The following PLD5 variants were observed in gnomAD, a reference collection of about 807,000 sequenced individuals.
The protein encoded by PLD5 is phospholipase D family member 5.
PLD5 carries 36 observed loss-of-function variants against 61.1 expected under a neutral mutation model. The ratio of observed to expected loss-of-function variants is 0.59; its 90% CI spans 0.45 to 0.78. The LOEUF (loss-of-function observed/expected upper bound fraction) is 0.78. PLD5 is among the 30% of genes least tolerant of loss of function. PLD5 has a pLI of 0.00. For missense variants in PLD5, 515 were observed against 644.4 expected (o/e 0.80, Z 2.17); for synonymous variants, 243 against 242.8 (o/e 1.00, Z -0.01).
At chr1:242,519,800 C>T (rs1026069770) in intron 1 of PLD5, among the ~76,000 whole-genome samples, 24 of 152,180 alleles carry the variant, frequency 1.6e-4, no homozygotes, top group African/African-American at 5.3e-4. Context: ...AGGCCCAAGA[C>T]AGTGAGCCAG....
chr1:242,089,766 A>C lies in PLD5; in HGVS notation c.*88T>G, dbSNP rs1399651844. 25 of 1,511,408 alleles carry C rather than the reference A, an allele frequency of 1.7e-5. No individual in the cohort carries two copies. The highest frequency in any genetic ancestry group is 2.8e-5 in the African/African-American group (2 of 71,504). The allele number at this position is 1,511,408 out of a possible 1,614,324, so 93.6% of individuals were successfully genotyped here. A position where few individuals can be genotyped will look rare whatever the true frequency, so the allele number is the denominator to read the frequency against. ...ATAAGTGTGCTTTTTCCCTAAAAAA[A>C]GAGACATATTAAAGTGTTTTTTCTC... On this transcript the variant is annotated 3_prime_UTR_variant, in exon 10 of 10. Coordinates refer to ENST00000536534, the MANE Select transcript of PLD5 (RefSeq NM_001372062.1).
At chr1:242,287,596 G>A (rs1185850539) in intron 3 of PLD5, among the ~76,000 whole-genome samples, 1 of 151,976 alleles carries the variant, frequency 6.6e-6, no homozygotes, top group East Asian at 1.9e-4. Context: ...ACTACATTTT[G>A]CATAAAAGGA....
intron 1 of PLD5, chr1:242,449,541 T>C (rs1284760378): frequency 6.9e-7 from 1 of 1,458,086 alleles, no homozygotes; most frequent in Non-Finnish European, 9.0e-7. Flanking sequence ...TCAGCCAAAC[T>C]GAGCACGAAG....
At chr1:242,448,462 ATCT>A (rs1222728995) in intron 1 of PLD5, among the ~76,000 whole-genome samples, 2 of 152,206 alleles carry the variant, frequency 1.3e-5, no homozygotes, top group African/African-American at 4.8e-5. Context: ...AATAGGCTTT[ATCT>A]TCTTCTCAAT....
chr1:242,520,496 C>T (rs1349513287), intron 1 of PLD5, among the ~76,000 whole-genome samples: 3 of 152,128 alleles, frequency 2.0e-5, no homozygotes, highest in Non-Finnish European at 4.4e-5. Flanking sequence ...GAAATGATAT[C>T]GAAGTCTGAA....
intron 2 of PLD5, among the ~76,000 whole-genome samples, chr1:242,329,619 G>A (rs1659044830): frequency 6.6e-6 from 1 of 152,174 alleles, no homozygotes; most frequent in Non-Finnish European, 1.5e-5. Context: ...TAGGTCATTG[G>A]ATATCCCCTT....
At chr1:242,211,570 T>C (rs1289555732) in intron 5 of PLD5, among the ~76,000 whole-genome samples, 1 of 152,178 alleles carries the variant, frequency 6.6e-6, no homozygotes, top group African/African-American at 2.4e-5. Context: ...CTTCGGCTGC[T>C]GGTGCCGGCC....
intron 1 of PLD5, among the ~76,000 whole-genome samples, chr1:242,423,831 G>T (rs1371383990): frequency 6.6e-6 from 1 of 152,044 alleles, no homozygotes; most frequent in African/African-American, 2.4e-5. Context: ...CACATAACAA[G>T]GGTTCAATGA....
chr1:242,159,974 A>C (rs1665694012), intron 5 of PLD5, among the ~76,000 whole-genome samples: 1 of 152,092 alleles, frequency 6.6e-6, no homozygotes, highest in Non-Finnish European at 1.5e-5. Context: ...GCTTTTAGCA[A>C]TTCATTAAAA....
At chr1:242,352,667 A>G (rs536601467) in intron 1 of PLD5, among the ~76,000 whole-genome samples, 1 of 152,274 alleles carries the variant, frequency 6.6e-6, no homozygotes, top group Admixed American at 6.5e-5. Flanking sequence ...ATTTCTTCCA[A>G]CAGTGCATAA....
intron 5 of PLD5, among the ~76,000 whole-genome samples, chr1:242,195,174 C>A (rs553282468): frequency 1.3e-5 from 2 of 152,204 alleles, no homozygotes; most frequent in Non-Finnish European, 2.9e-5. Flanking sequence ...CAGCAATATG[C>A]TTTTTAGGCA....
chr1:242,399,888 G>A (rs1389265193), intron 1 of PLD5, among the ~76,000 whole-genome samples: 1 of 152,164 alleles, frequency 6.6e-6, no homozygotes, highest in Non-Finnish European at 1.5e-5. Flanking sequence ...GAGATTCTAG[G>A]CCTGGCGTGG....
At chr1:242,187,077 G>T (rs1314459026) in intron 5 of PLD5, among the ~76,000 whole-genome samples, 2 of 152,162 alleles carry the variant, frequency 1.3e-5, no homozygotes, top group Non-Finnish European at 2.9e-5. Flanking sequence ...TCTGCCTATT[G>T]GTTGATCCAG....
chr1:242,286,358 G>A (rs1322725784), intron 3 of PLD5, among the ~76,000 whole-genome samples: 4 of 152,058 alleles, frequency 2.6e-5, no homozygotes, highest in Non-Finnish European at 2.9e-5. Context: ...TGGAAAACAC[G>A]GGGAAAATTG....
At chr1:242,347,765 C>T (rs553440655) in intron 2 of PLD5, among the ~76,000 whole-genome samples, 3 of 152,274 alleles carry the variant, frequency 2.0e-5, no homozygotes, top group East Asian at 3.9e-4. Flanking sequence ...ACAACTAGCA[C>T]AGCGTTCTTT....
rs1020937027 is a variant in PLD5 at position 242,124,774 on chromosome 1, C to T, written c.736-109G>A. The T allele has an allele frequency of 2.1e-5, 18 of 853,360 alleles. No homozygotes were observed. In the African/African-American group the frequency reaches 2.4e-4, roughly 11 times the overall value. 52.9% of individuals were successfully genotyped at this position (853,360 alleles called of 1,614,324 possible). On this transcript the variant is annotated intron_variant, in intron 5 of 9. Coordinates refer to ENST00000536534, the MANE Select transcript of PLD5 (RefSeq NM_001372062.1). ...GGTAGTTGTGACATCTTTTTTCTTGCATTTGAAGTAAGTAGATATAGTTAC... is the reference window on the plus strand; with the variant it reads ...GGTAGTTGTGACATCTTTTTTCTTGTATTTGAAGTAAGTAGATATAGTTAC...
At chr1:242,093,432 A>T (rs973794691) in intron 9 of PLD5, among the ~76,000 whole-genome samples, 3 of 152,212 alleles carry the variant, frequency 2.0e-5, no homozygotes, top group African/African-American at 7.2e-5. Flanking sequence ...CACTGTAACA[A>T]GGGCAGTCAA....
In PLD5 at chr1:242,256,424, C is replaced by A. The variant is rs143869263; in HGVS notation, c.607+8913G>T. ...CGTTTAAACGTAATTCCCACTGTGG[C>A]AGTATTAAGTGGTGGGGTCTTTGGA... On this transcript the variant is annotated intron_variant, in intron 4 of 9. Coordinates refer to ENST00000536534, the MANE Select transcript of PLD5 (RefSeq NM_001372062.1). The surrounding 1 kb of genome is among the most constrained non-coding windows in gnomAD (Gnocchi z 5.7). Among the ~76,000 whole-genome samples, 15 of 152,284 alleles carry A rather than the reference C, an allele frequency of 9.9e-5. No homozygotes were observed. Among genetic ancestry groups the A allele is most frequent in the African/African-American group, 3.6e-4 (15 of 41,554 alleles).
At chr1:242,228,725 GAGAGGA>G (rs898765975) in intron 4 of PLD5, among the ~76,000 whole-genome samples, 16 of 149,510 alleles carry the variant, frequency 1.1e-4, no homozygotes, top group Admixed American at 4.7e-4. Flanking sequence ...AGAGGAAGAG[GAGAGGA>G]AGAGGAAGAG....
Sources: allele counts gnomAD v4.1 joint callset (sites outside exome capture counted in the v4.1 genomes callset), GRCh38; gene constraint gnomAD v4.1.1; non-coding constraint Gnocchi (gnomAD v3.1); transcripts MANE v1.5; gene names NCBI Gene and HGNC (gene_info 2026-07-23, HGNC 2026-07-21).